The following TIAM2 variants were observed in gnomAD, a reference collection of about 807,000 sequenced individuals.
TIAM2 encodes rho guanine nucleotide exchange factor TIAM2.
A neutral mutation model predicts 152.9 loss-of-function variants in TIAM2; 80 were observed. The observed-to-expected ratio is 0.52, with a 90% CI of 0.44 to 0.63. The LOEUF (loss-of-function observed/expected upper bound fraction) is 0.63, where lower values mean the gene tolerates loss of function less well. TIAM2 is among the 30% of genes least tolerant of loss of function. The probability of loss-of-function intolerance (pLI) is 0.00; values close to 1 mark genes in which losing one functional copy is unlikely to be tolerated. For synonymous variants in TIAM2, 804 were observed against 838.0 expected (o/e 0.96, Z 0.70); for missense variants, 1,965 against 2,120.1 (o/e 0.93, Z 1.44).
intron 1 of TIAM2, among the ~76,000 whole-genome samples, chr6:155,019,012 C>T (rs1034043311): frequency 6.7e-6 from 1 of 149,654 alleles, no homozygotes; most frequent in Non-Finnish European, 1.5e-5. Flanking sequence ...TGCACTGCAG[C>T]CTGGGTGACA....
rs147570088 is a variant in TIAM2, at chr6:155,183,436, C to T, written c.3000C>T (p.Pro1000=). The part of the protein sequence containing the change: ...LFSRDQKSLL[P]PPNQSQLLEE... The stretch of plus-strand genomic sequence containing the variant: ...CCAGGGACCAGAAGAGTCTGCTGCC[C>T]CCTCCTAACCAGTCCCAACTGCTGG... Residue 1000 remains proline (P), a synonymous_variant, in exon 14 of 27, where the codon CCC becomes CCT. Coordinates refer to ENST00000682666, the MANE Select transcript of TIAM2 (RefSeq NM_012454.4). 4 of 1,614,104 alleles carry T rather than the reference C, an allele frequency of 2.5e-6. No homozygotes were observed. In the African/African-American group the frequency reaches 4.0e-5, roughly 16 times the overall value.
chr6:155,229,985 T>G (rs1290233499), intron 15 of TIAM2, among the ~76,000 whole-genome samples: 3 of 151,694 alleles, frequency 2.0e-5, no homozygotes, highest in Non-Finnish European at 4.4e-5. Flanking sequence ...TCCCACTGGG[T>G]CCCTCCCATG....
intron 1 of TIAM2, among the ~76,000 whole-genome samples, chr6:155,046,212 A>G (rs1292653965): frequency 1.3e-5 from 2 of 152,040 alleles, no homozygotes; most frequent in Non-Finnish European, 2.9e-5. Flanking sequence ...TTTCTGGTTC[A>G]CTGCTGGCTT....
chr6:155,087,281 C>T (rs2114974672), intron 1 of TIAM2, among the ~76,000 whole-genome samples: 1 of 152,272 alleles, frequency 6.6e-6, no homozygotes, highest in East Asian at 1.9e-4. Context: ...ACATTATTAT[C>T]ATTGGAAACA....
chr6:154,999,651 C>T (rs903545220), intron 1 of TIAM2, among the ~76,000 whole-genome samples: 5 of 152,168 alleles, frequency 3.3e-5, no homozygotes, highest in South Asian at 4.2e-4. Flanking sequence ...TAAATGTCAC[C>T]GGCCTCAGTT....
intron 1 of TIAM2, among the ~76,000 whole-genome samples, chr6:155,061,251 G>A (rs992622837): frequency 6.8e-6 from 1 of 147,404 alleles, no homozygotes; most frequent in African/African-American, 2.7e-5. Context: ...TGATATCACT[G>A]ACTAGACTTT....
Position 155,179,086 on chromosome 6 carries a change from A to G in TIAM2, c.2571A>G (p.Leu857=), listed in dbSNP as rs1323546568. The G allele has an allele frequency of 6.8e-6, 11 of 1,614,092 alleles. No homozygotes were observed. The highest frequency in any genetic ancestry group is 9.3e-6 in the Non-Finnish European group (11 of 1,180,030). ...ATTATGGCCTACAGCTTCGAAAATTAGTAGATGACAATGTTGAGTATTGCA... is the reference window on the plus strand; with the variant it reads ...ATTATGGCCTACAGCTTCGAAAATTGGTAGATGACAATGTTGAGTATTGCA... ...PSHYGLQLRK[L]VDDNVEYCIP... Residue 857 remains leucine (L), a synonymous_variant, in exon 11 of 27, where the codon TTA becomes TTG. Coordinates refer to ENST00000682666, the MANE Select transcript of TIAM2 (RefSeq NM_012454.4).
chr6:155,103,907 C>G (rs1023357544), intron 2 of TIAM2, among the ~76,000 whole-genome samples: 2 of 151,766 alleles, frequency 1.3e-5, no homozygotes, highest in Non-Finnish European at 2.9e-5. Flanking sequence ...GGAAGGCTTT[C>G]ATTTACACTG....
intron 1 of TIAM2, among the ~76,000 whole-genome samples, chr6:155,028,486 C>CATATAAT (rs1201679707): frequency 9.7e-6 from 1 of 103,104 alleles, no homozygotes; most frequent in Non-Finnish European, 2.0e-5. Context: ...ACATATACTA[C>CATATAAT]ATATATATAC....
intron 1 of TIAM2, among the ~76,000 whole-genome samples, chr6:155,029,780 T>C (rs1338091754): frequency 7.8e-6 from 1 of 128,344 alleles, no homozygotes; most frequent in Non-Finnish European, 1.7e-5. Flanking sequence ...CTAAAGACTT[T>C]TTGTGTTTTT....
chr6:155,244,962 T>TA (rs1491545034), intron 18 of TIAM2, 179 bp downstream of exon 18: 46 of 651,354 alleles, frequency 7.1e-5, no homozygotes, highest in Non-Finnish European at 9.5e-5. Flanking sequence ...GCTGTATATA[T>TA]TTTTTTTTCC....
intron 2 of TIAM2, among the ~76,000 whole-genome samples, chr6:155,123,031 A>G (rs556394394): frequency 7.9e-5 from 12 of 152,298 alleles, no homozygotes; most frequent in African/African-American, 2.6e-4. Context: ...GCTTCCAGAC[A>G]AAAATCATAG....
chr6:155,135,472 T>C (rs1490744814), intron 4 of TIAM2, among the ~76,000 whole-genome samples: 2 of 152,256 alleles, frequency 1.3e-5, no homozygotes, highest in Non-Finnish European at 2.9e-5. Context: ...TGCAGAGTTA[T>C]CTTCATTTAA....
rs1256060576 is a variant in TIAM2 at position 155,186,046 on chromosome 6, T to C, written c.3064+2546T>C. Among the ~76,000 whole-genome samples, 1 of 152,028 alleles carries C rather than the reference T, an allele frequency of 6.6e-6. No individual in the cohort carries two copies. The highest frequency in any genetic ancestry group is 2.4e-5 in the African/African-American group (1 of 41,396). ...AGAAGGAAGTCTTCCATTTTGAAGG[T>C]TGAGGGGAAAAGAAAATAAGGGTAG... On this transcript the variant is annotated intron_variant, in intron 14 of 26. Coordinates refer to ENST00000682666, the MANE Select transcript of TIAM2 (RefSeq NM_012454.4). The surrounding 1 kb of genome is among the most constrained non-coding windows in gnomAD (Gnocchi z 4.5).
intron 2 of TIAM2, among the ~76,000 whole-genome samples, chr6:155,097,271 T>C (rs1778435547): frequency 6.6e-6 from 1 of 152,218 alleles, no homozygotes; most frequent in South Asian, 2.1e-4. Flanking sequence ...ATAGGTAGTT[T>C]GCAGATATTT....
chr6:155,100,518 A>G (rs189289786), intron 2 of TIAM2, among the ~76,000 whole-genome samples: 1 of 152,198 alleles, frequency 6.6e-6, no homozygotes, highest in East Asian at 1.9e-4. Context: ...TTCCTTTCAC[A>G]TTTACCACCA....
Position 155,152,140 on chromosome 6 carries a change from A to G in TIAM2, c.2028+3806A>G, listed in dbSNP as rs900643577. Among the ~76,000 whole-genome samples, 4 of 152,082 alleles carry G rather than the reference A, an allele frequency of 2.6e-5. No homozygotes were observed. In the East Asian group the frequency reaches 5.8e-4, roughly 22 times the overall value. ...TTACAGGTGTAAGCCACCACGGCTAATCTCAATTTTTTAGAATCTTAAAGA... is the reference window on the plus strand; with the variant it reads ...TTACAGGTGTAAGCCACCACGGCTAGTCTCAATTTTTTAGAATCTTAAAGA... On this transcript the variant is annotated intron_variant, in intron 7 of 26. Coordinates refer to ENST00000682666, the MANE Select transcript of TIAM2 (RefSeq NM_012454.4).
At position 155,214,477 on chromosome 6, in the gene TIAM2, C is replaced by G. The variant is rs777000044; in HGVS notation, c.3168+3170C>G. ...GGGCTCTCAGCCTCCCCTCTCTTCT[C>G]CCTTTCACTTCCTCACTACCTGCTC... is the stretch of plus-strand genomic sequence containing the variant. On this transcript the variant is annotated intron_variant, in intron 15 of 26. Coordinates refer to ENST00000682666, the MANE Select transcript of TIAM2 (RefSeq NM_012454.4). This position sits in a 1 kb window ranked among gnomAD's most constrained non-coding sequence, Gnocchi z 5.4. Among the ~76,000 whole-genome samples the G allele has an allele frequency of 1.4e-4, 22 of 152,208 alleles. No individual in the cohort carries two copies. Among genetic ancestry groups the G allele is most frequent in the Non-Finnish European group, 3.1e-4 (21 of 68,032 alleles).
In TIAM2 at chr6:155,148,315, G is replaced by A. The variant is rs1472445720; in HGVS notation, c.2009G>A (p.Arg670Lys). The change falls in exon 7 of 27, where the codon AGG (arginine) becomes AAG (lysine). Residue 670 changes from arginine to lysine, a missense_variant. By Grantham distance (26) the Arg-to-Lys change is conservative (BLOSUM62 2). Coordinates refer to ENST00000682666, the MANE Select transcript of TIAM2 (RefSeq NM_012454.4). ...TCCGTGGTGAGCGACCCAAAGAACAGGAAAGCCATAGAGAACCAGGTACTG... is the reference window on the plus strand; with the variant it reads ...TCCGTGGTGAGCGACCCAAAGAACAAGAAAGCCATAGAGAACCAGGTACTG... ...QLSVVSDPKN[R>K]KAIENQIQQW... is the part of the protein sequence containing the mutation. 1 of 1,612,038 alleles carries A rather than the reference G, an allele frequency of 6.2e-7. No individual in the cohort carries two copies. Among genetic ancestry groups the A allele is most frequent in the South Asian group, 1.1e-5 (1 of 90,946 alleles).
Sources: gnomAD v4.1 joint callset for allele counts (sites outside exome capture counted in the v4.1 genomes callset) on GRCh38, gnomAD v4.1.1 for gene constraint, Gnocchi (gnomAD v3.1) non-coding constraint, MANE v1.5 for transcripts, NCBI Gene and HGNC (gene_info 2026-07-23, HGNC 2026-07-21) for gene names.